Variants in HOXB3 observed in about 807,000 individuals in gnomAD.
HOXB3 encodes homeobox protein Hox-B3.
Under a neutral mutation model 29.2 loss-of-function variants are expected in HOXB3, and 17 were observed. The ratio of observed to expected loss-of-function variants is 0.58; its 90% CI spans 0.40 to 0.87. The LOEUF (loss-of-function observed/expected upper bound fraction) is 0.87, where lower values mean the gene tolerates loss of function less well. Among genes scored for constraint, HOXB3 ranks in the 40% least tolerant of loss-of-function variants. HOXB3 has a pLI of 0.00. For missense variants in HOXB3, 637 were observed against 616.3 expected (o/e 1.03, Z -0.35); for synonymous variants, 317 against 285.9 (o/e 1.11, Z -1.10).
rs1024791979 is a variant in HOXB3, at chr17:48,577,139, T to G, written c.-424-3125A>C. 2.6e-5 allele frequency: 26 copies of G among 1,012,974 alleles called. No homozygotes were observed. The African/African-American group carries it at 4.9e-4, about 19-fold the overall frequency. The allele number at this position is 1,012,974 out of a possible 1,614,324, so 62.7% of individuals were successfully genotyped here. ...CCCTCTCCCGCCACCTCTTCTTCCT[T>G]CTGAGGGAGAGCGGGGAAAAACGAA... On this transcript the variant is annotated intron_variant, in intron 1 of 4. Coordinates refer to ENST00000498678, the MANE Select transcript of HOXB3 (RefSeq NM_001384749.1).
At chr17:48,589,155 T>A (rs917021250) in intron 1 of HOXB3, among the ~76,000 whole-genome samples, 8 of 152,104 alleles carry the variant, frequency 5.3e-5, no homozygotes, top group African/African-American at 1.9e-4. Flanking sequence ...TTTATGGTTC[T>A]ACAAAACAAA....
At chr17:48,581,183 A>G (rs2069927962) in intron 1 of HOXB3, 1 of 152,106 alleles carries the variant, frequency 6.6e-6, no homozygotes, top group Admixed American at 6.5e-5. Flanking sequence ...GTAGGAGGAG[A>G]GTTCCCACCT....
Position 48,552,263 on chromosome 17 carries a change from C to A in HOXB3, c.212G>T (p.Gly71Val), listed in dbSNP as rs2068784361. 2 of 1,613,608 alleles carry A rather than the reference C, an allele frequency of 1.2e-6. No individual in the cohort carries two copies. The highest frequency in any genetic ancestry group is 1.7e-6 in the Non-Finnish European group (2 of 1,179,944). The change falls in exon 4 of 5, where the codon GGC becomes GTC. Residue 71 changes from glycine (G) to valine (V), a missense_variant. Transcript: ENST00000498678. Reference protein sequence around the residue: ...APHAKSKELNGSCMRPGLAPE... With the variant: ...APHAKSKELNVSCMRPGLAPE... ...GGCCAGACCCGGCCTCATGCAGCTGCCGTTGAGCTCCTTGCTCTTGGCATG... is the reference window on the plus strand; with the variant it reads ...GGCCAGACCCGGCCTCATGCAGCTGACGTTGAGCTCCTTGCTCTTGGCATG...
rs140436407 is a variant in HOXB3 at position 48,554,213 on chromosome 17, GAATT to G, written c.-159+1314_-159+1317del. On this transcript the variant is annotated intron_variant, in intron 3 of 4. Transcript: ENST00000498678. This position sits in a 1 kb window ranked among gnomAD's most constrained non-coding sequence, Gnocchi z 4.1. ...TTCCAAGCAGCCCTGGCTGAAGGGG[GAATT>G]AATTAACAGGCATTAGTTGTGGTTG... 626 of 182,566 alleles carry G rather than the reference GAATT, an allele frequency of 3.4e-3. 8 individuals are homozygous for G. The highest frequency in any genetic ancestry group is 0.014 in the African/African-American group (593 of 42,070). The allele number at this position is 182,566 out of a possible 1,614,324, so 11.3% of individuals were successfully genotyped here.
Position 48,554,451 on chromosome 17 carries a change from G to A in HOXB3, c.-159+1080C>T. The A allele has an allele frequency of 1.7e-6, 1 of 596,640 alleles. No individual in the cohort carries two copies. 37.0% of individuals were successfully genotyped at this position (596,640 alleles called of 1,614,324 possible). A position where few individuals can be genotyped will look rare whatever the true frequency, so the allele number is the denominator to read the frequency against. On this transcript the variant is annotated intron_variant, in intron 3 of 4. Coordinates refer to ENST00000498678, the MANE Select transcript of HOXB3 (RefSeq NM_001384749.1). This position sits in a 1 kb window ranked among gnomAD's most constrained non-coding sequence, Gnocchi z 4.1. ...AACCCCAAACCATCGCGGGACGGAG[G>A]CCAGGCGAGTGTGGAAAGCGAAGGA...
chr17:48,585,451 CG>C (rs1437314583), intron 1 of HOXB3, among the ~76,000 whole-genome samples: 1 of 152,180 alleles, frequency 6.6e-6, no homozygotes. Flanking sequence ...AGTGTCCCAA[CG>C]ATGCGGGGGG....
chr17:48,555,224 A>C lies in HOXB3; in HGVS notation c.-159+307T>G, dbSNP rs530640343. Among the ~76,000 whole-genome samples the C allele has an allele frequency of 5.9e-5, 9 of 152,042 alleles. No homozygotes were observed. In the South Asian group the frequency reaches 1.9e-3, roughly 32 times the overall value. ...AAGAAAGGAAGACAGAGAAAGGTTG[A>C]GACTTTCTTAGCAGCCGCGGAGAAA... is the stretch of plus-strand genomic sequence containing the variant. On this transcript the variant is annotated intron_variant, in intron 3 of 4. Coordinates refer to ENST00000498678, the MANE Select transcript of HOXB3 (RefSeq NM_001384749.1).
intron 2 of HOXB3, among the ~76,000 whole-genome samples, chr17:48,572,536 C>T (rs1471176287): frequency 1.3e-5 from 2 of 152,128 alleles, no homozygotes; most frequent in Admixed American, 6.5e-5. Context: ...TGTCTTTCTT[C>T]CCTCAGTTCC....
At chr17:48,579,392 A>G (rs1314278156) in intron 1 of HOXB3, 1 of 152,396 alleles carries the variant, frequency 6.6e-6, no homozygotes, top group African/African-American at 2.4e-5. Flanking sequence ...TGACCCACAC[A>G]GACAATAACA....
chr17:48,577,088 C>T, intron 1 of HOXB3: 1 of 1,438,392 alleles, frequency 7.0e-7, no homozygotes, highest in Non-Finnish European at 9.3e-7. Flanking sequence ...GTCCTTTCTT[C>T]CAGGGAACAC....
In HOXB3 at chr17:48,578,710, C is replaced by T. The variant is rs1294440140; in HGVS notation, c.-424-4696G>A. 1.6e-5 allele frequency: 4 copies of T among 243,482 alleles called. No individual in the cohort carries two copies. In the Admixed American group the frequency reaches 2.3e-4, roughly 14 times the overall value. The allele number at this position is 243,482 out of a possible 1,614,324, so 15.1% of individuals were successfully genotyped here. On this transcript the variant is annotated intron_variant, in intron 1 of 4. Coordinates refer to ENST00000498678, the MANE Select transcript of HOXB3 (RefSeq NM_001384749.1). ...GCTAGGCAGAGCGCAAACCCTAGAT[C>T]CCTTAAGAAGTTGGGGCTCCCGGTG...
chr17:48,554,865 G>C lies in HOXB3; in HGVS notation c.-159+666C>G, dbSNP rs1567948734. 5 of 702,122 alleles carry C rather than the reference G, an allele frequency of 7.1e-6. No homozygotes were observed. The highest frequency in any genetic ancestry group is 1.3e-5 in the Non-Finnish European group (5 of 384,714). The allele number at this position is 702,122 out of a possible 1,614,324, so 43.5% of individuals were successfully genotyped here. On this transcript the variant is annotated intron_variant, in intron 3 of 4. Coordinates refer to ENST00000498678, the MANE Select transcript of HOXB3 (RefSeq NM_001384749.1). This position sits in a 1 kb window ranked among gnomAD's most constrained non-coding sequence, Gnocchi z 4.1. ...CCTGGCGGACGGGACAGTGGGAAGA[G>C]AGAAAGGTGCTAAGGGGACCCAAGA...
rs959716970 is a variant in HOXB3, at chr17:48,574,099, C to A, written c.-424-85G>T. ...TTTTCTGTATAATTCTCACATTTTT[C>A]TTAGCTCTTGTCTACACAGAATGGC... On this transcript the variant is annotated intron_variant, in intron 1 of 4. Coordinates refer to ENST00000498678, the MANE Select transcript of HOXB3 (RefSeq NM_001384749.1). The A allele has an allele frequency of 1.1e-5, 6 of 554,876 alleles. No individual in the cohort carries two copies. In the South Asian group the frequency reaches 1.2e-4, roughly 11 times the overall value. The allele number at this position is 554,876 out of a possible 1,614,324, so 34.4% of individuals were successfully genotyped here.
intron 2 of HOXB3, among the ~76,000 whole-genome samples, chr17:48,561,879 C>T (rs761951522): frequency 3.3e-5 from 5 of 152,204 alleles, no homozygotes; most frequent in Non-Finnish European, 5.9e-5. Context: ...GCTAAATGAT[C>T]TCTAAGGTCT....
intron 1 of HOXB3, chr17:48,574,979 C>T (rs2069713112): frequency 6.6e-6 from 1 of 152,192 alleles, no homozygotes; most frequent in Non-Finnish European, 1.5e-5. Context: ...TGCAAACACC[C>T]AGAAACATCT....
At chr17:48,567,607 C>T (rs927074745) in intron 2 of HOXB3, among the ~76,000 whole-genome samples, 1 of 152,202 alleles carries the variant, frequency 6.6e-6, no homozygotes, top group Non-Finnish European at 1.5e-5. Context: ...AGAAAGTTAA[C>T]AGCTCTTCCC....
intron 2 of HOXB3, among the ~76,000 whole-genome samples, chr17:48,565,637 C>T (rs180754199): frequency 8.5e-5 from 13 of 152,368 alleles, no homozygotes; most frequent in Non-Finnish European, 1.8e-4. Flanking sequence ...TCTGGGCTCA[C>T]CCATTAGGTT....
intron 2 of HOXB3, among the ~76,000 whole-genome samples, chr17:48,568,649 G>A (rs1007556823): frequency 3.3e-5 from 5 of 151,004 alleles, no homozygotes; most frequent in Non-Finnish European, 7.4e-5. Context: ...ACACACACGC[G>A]CGGACACACA....
chr17:48,551,886 G>C lies in HOXB3; in HGVS notation c.448+141C>G, dbSNP rs372863858. The C allele has an allele frequency of 4.8e-4, 360 of 749,226 alleles. 2 individuals are homozygous for C. The East Asian group carries it at 7.0e-3, about 15-fold the overall frequency. 46.4% of individuals were successfully genotyped at this position (749,226 alleles called of 1,614,324 possible). On this transcript the variant is annotated intron_variant, in intron 4 of 4. Coordinates refer to ENST00000498678, the MANE Select transcript of HOXB3 (RefSeq NM_001384749.1). ...CGGGGTCAGGGGTCATTAGGGGGTA[G>C]GGGTATCAAAAATGTACCCGCTGGC...
Sources: gnomAD v4.1 joint callset for allele counts (sites outside exome capture counted in the v4.1 genomes callset) on GRCh38, gnomAD v4.1.1 for gene constraint, Gnocchi (gnomAD v3.1) non-coding constraint, MANE v1.5 for transcripts, NCBI Gene and HGNC (gene_info 2026-07-23, HGNC 2026-07-21) for gene names.